LRRC8C: variants seen among roughly 807,000 people sequenced by gnomAD.
The protein encoded by LRRC8C is volume-regulated anion channel subunit LRRC8C.
LRRC8C carries 20 observed loss-of-function variants against 55.3 expected under a neutral mutation model. The observed-to-expected ratio is 0.36, with a 90% CI of 0.25 to 0.53. The LOEUF (loss-of-function observed/expected upper bound fraction) is 0.53, where lower values mean the gene tolerates loss of function less well. LRRC8C is among the 20% of genes least tolerant of loss of function. The pLI, the probability that LRRC8C is intolerant of heterozygous loss-of-function variation, is 0.92. For missense variants in LRRC8C, 659 were observed against 951.4 expected (o/e 0.69, Z 4.04); for synonymous variants, 376 against 360.7 (o/e 1.04, Z -0.48).
intron 1 of LRRC8C, among the ~76,000 whole-genome samples, chr1:89,679,317 G>A (rs929822060): frequency 3.3e-5 from 5 of 152,178 alleles, no homozygotes; most frequent in African/African-American, 9.7e-5. Context: ...AGTTTGGGAG[G>A]CCAAGGTGGG....
chr1:89,702,841 A>G (rs937603792), intron 2 of LRRC8C, among the ~76,000 whole-genome samples: 1 of 152,238 alleles, frequency 6.6e-6, no homozygotes, highest in African/African-American at 2.4e-5. Flanking sequence ...AATAAAGTCA[A>G]TGAATTATAA....
At chr1:89,621,423 C>CGCCA in the LRRC8C span, among the ~76,000 whole-genome samples, 278 of 151,260 alleles carry the variant, frequency 1.8e-3, no homozygotes, top group African/African-American at 6.3e-3. Context: ...GAGCCGAGAT[C>CGCCA]GCCACTGCAC....
At chr1:89,678,760 C>T (rs142648075) in intron 1 of LRRC8C, among the ~76,000 whole-genome samples, 178 of 150,192 alleles carry the variant, frequency 1.2e-3, no homozygotes, top group Non-Finnish European at 1.8e-3. Flanking sequence ...ACAGACTGCA[C>T]GTGATTTTAT....
intron 1 of LRRC8C, among the ~76,000 whole-genome samples, chr1:89,684,098 T>G (rs1215478466): frequency 6.6e-6 from 1 of 152,162 alleles, no homozygotes; most frequent in African/African-American, 2.4e-5. Flanking sequence ...ATATTACATT[T>G]ATTGGTTTTT....
intron 1 of LRRC8C, among the ~76,000 whole-genome samples, chr1:89,685,159 C>T (rs1214758917): frequency 1.4e-5 from 2 of 144,084 alleles, no homozygotes; most frequent in Admixed American, 1.5e-4. Flanking sequence ...CCCAGCAGGC[C>T]GGACTGCGGA....
intron 1 of LRRC8C, among the ~76,000 whole-genome samples, chr1:89,655,216 T>G (rs1018671175): frequency 2.6e-5 from 4 of 152,162 alleles, no homozygotes; most frequent in East Asian, 3.8e-4. Flanking sequence ...TTATCTAACC[T>G]TATGCTGATT....
rs115463784 is a variant in LRRC8C, at chr1:89,633,473, C to T, written c.-5+151C>T. On this transcript the variant is annotated intron_variant, in intron 1 of 2. Coordinates refer to ENST00000370454, the MANE Select transcript of LRRC8C (RefSeq NM_032270.5). ...CTCAGACAGGCAGAATGTGGTTGCC[C>T]GCCCGGCGTGTGGTGCTGGGAACCT... is the stretch of plus-strand genomic sequence containing the variant. Among the ~76,000 whole-genome samples, 527 of 152,330 alleles carry T rather than the reference C, an allele frequency of 3.5e-3. 3 individuals carry two copies. The highest frequency in any genetic ancestry group is 9.5e-3 in the African/African-American group (393 of 41,584).
chr1:89,714,050 A>C lies in LRRC8C; in HGVS notation c.1480A>C (p.Lys494Gln), dbSNP rs760360717. 1 of 1,613,772 alleles carries C rather than the reference A, an allele frequency of 6.2e-7. No homozygotes were observed. Among genetic ancestry groups the C allele is most frequent in the Admixed American group, 1.7e-5 (1 of 60,018 alleles). ...AALSFLKENLKVLSVKFDDMR... is the reference protein window; with the variant it reads ...AALSFLKENLQVLSVKFDDMR... ...GCTCTCTTTCCTGAAGGAAAACCTC[A>C]AGGTCTTGAGCGTCAAGTTTGATGA... Residue 494 changes from lysine to glutamine, a missense_variant, in exon 3 of 3, where the codon AAG becomes CAG. Physicochemically the swap from Lys to Gln is moderately conservative, Grantham distance 53. Coordinates refer to ENST00000370454, the MANE Select transcript of LRRC8C (RefSeq NM_032270.5). This position sits in a 1 kb window ranked among gnomAD's most constrained non-coding sequence, Gnocchi z 4.6.
At chr1:89,672,463 A>C (rs1657448386) in intron 1 of LRRC8C, among the ~76,000 whole-genome samples, 1 of 152,234 alleles carries the variant, frequency 6.6e-6, no homozygotes, top group Admixed American at 6.5e-5. Flanking sequence ...AGATAGAGCT[A>C]TTCTAATACT....
intron 1 of LRRC8C, among the ~76,000 whole-genome samples, chr1:89,655,711 A>G (rs1656924659): frequency 6.6e-6 from 1 of 152,204 alleles, no homozygotes; most frequent in South Asian, 2.1e-4. Flanking sequence ...CTCCCAAGAT[A>G]ACACTAATGC....
intron 1 of LRRC8C, among the ~76,000 whole-genome samples, chr1:89,656,943 T>C (rs1228236700): frequency 6.6e-6 from 1 of 152,146 alleles, no homozygotes; most frequent in Non-Finnish European, 1.5e-5. Flanking sequence ...CGGCTACTTA[T>C]CCAAGTGTGC....
chr1:89,636,889 C>T (rs375572723), intron 1 of LRRC8C, among the ~76,000 whole-genome samples: 7 of 152,090 alleles, frequency 4.6e-5, no homozygotes, highest in Admixed American at 1.3e-4. Flanking sequence ...AACTCTTTGA[C>T]GTCAGGGATT....
At chr1:89,671,323 A>C (rs1657407915) in intron 1 of LRRC8C, among the ~76,000 whole-genome samples, 1 of 149,936 alleles carries the variant, frequency 6.7e-6, no homozygotes, top group Admixed American at 6.6e-5. Context: ...AGAAAAGGAA[A>C]GAGGAAGGGC....
intron 2 of LRRC8C, chr1:89,706,320 A>C: frequency 2.2e-6 from 1 of 456,150 alleles, no homozygotes; most frequent in South Asian, 1.5e-5. Flanking sequence ...TCTGAAGCTA[A>C]GTGGTTTTAT....
At chr1:89,632,724 G>A (rs1470691952), upstream of LRRC8C, 4 of 152,382 alleles carry the variant, frequency 2.6e-5, no homozygotes, top group Non-Finnish European at 5.9e-5. Context: ...TCCGCGCATT[G>A]TGAGGGATGA....
chr1:89,674,624 C>G (rs569968572), intron 1 of LRRC8C, among the ~76,000 whole-genome samples: 1 of 152,244 alleles, frequency 6.6e-6, no homozygotes, highest in Admixed American at 6.5e-5. Flanking sequence ...GCTGGAGGAC[C>G]TGAAATTTTT....
chr1:89,715,190 GTATC>G lies in LRRC8C; in HGVS notation c.*212_*215del, dbSNP rs1658782360. The G allele has an allele frequency of 5.6e-6, 2 of 354,438 alleles. No homozygotes were observed. The highest frequency in any genetic ancestry group is 1.0e-5 in the Non-Finnish European group (2 of 200,790). The allele number at this position is 354,438 out of a possible 1,614,324, so 22.0% of individuals were successfully genotyped here. On this transcript the variant is annotated 3_prime_UTR_variant, in exon 3 of 3. Transcript: ENST00000370454. ...AGTTTTATTTGTCTTGAAACACAAT[GTATC>G]TATTATCTACTGACAGAAAGAGATA...
the LRRC8C span, among the ~76,000 whole-genome samples, chr1:89,619,054 A>G: frequency 6.6e-6 from 1 of 152,234 alleles, no homozygotes; most frequent in African/African-American, 2.4e-5. Flanking sequence ...CTTGAGATGT[A>G]TCCCTTTATA....
chr1:89,658,821 C>T (rs1385829798), intron 1 of LRRC8C, among the ~76,000 whole-genome samples: 1 of 150,998 alleles, frequency 6.6e-6, no homozygotes, highest in Admixed American at 6.6e-5. Flanking sequence ...AGTGTAGATT[C>T]CACTGTTTAA....
Sources: gnomAD v4.1 joint callset for allele counts (sites outside exome capture counted in the v4.1 genomes callset) on GRCh38, gnomAD v4.1.1 for gene constraint, Gnocchi (gnomAD v3.1) non-coding constraint, MANE v1.5 for transcripts, NCBI Gene and HGNC (gene_info 2026-07-23, HGNC 2026-07-21) for gene names.